The following KCNN3 variants were observed in gnomAD, a reference collection of about 807,000 sequenced individuals.
KCNN3 encodes small conductance calcium-activated potassium channel protein 3.
In KCNN3, 16 loss-of-function variants were observed where a neutral mutation model predicts 62.9. The observed-to-expected ratio is 0.25, with a 90% CI of 0.17 to 0.39. The LOEUF is 0.39. KCNN3 is among the 10% of genes least tolerant of loss of function. KCNN3 has a pLI of 1.00. For missense variants in KCNN3, 599 were observed against 949.4 expected (o/e 0.63, Z 4.85); for synonymous variants, 370 against 389.2 (o/e 0.95, Z 0.58).
At chr1:154,793,994 A>G (rs550305473) in intron 2 of KCNN3, among the ~76,000 whole-genome samples, 2 of 152,340 alleles carry the variant, frequency 1.3e-5, no homozygotes, top group South Asian at 2.1e-4. Context: ...TCCCAGGGCT[A>G]GAGGTTCTGC....
At chr1:154,853,478 G>A (rs1652386939) in intron 1 of KCNN3, among the ~76,000 whole-genome samples, 1 of 152,228 alleles carries the variant, frequency 6.6e-6, no homozygotes, top group South Asian at 2.1e-4. Context: ...TGGGACCACA[G>A]GCACGCACCA....
At chr1:154,863,017 G>A (rs1416758740) in intron 1 of KCNN3, among the ~76,000 whole-genome samples, 3 of 152,268 alleles carry the variant, frequency 2.0e-5, no homozygotes, top group East Asian at 3.9e-4. Flanking sequence ...CGGTGAGCAC[G>A]ACCTGCTCCT....
intron 3 of KCNN3, among the ~76,000 whole-genome samples, chr1:154,765,621 C>CT (rs1209603187): frequency 7.0e-6 from 1 of 142,952 alleles, no homozygotes; most frequent in Non-Finnish European, 1.5e-5. Flanking sequence ...ACTCTTCTTT[C>CT]TTTTTCCTTT....
intron 1 of KCNN3, among the ~76,000 whole-genome samples, chr1:154,864,062 C>A (rs1462917003): frequency 2.0e-5 from 3 of 152,230 alleles, no homozygotes; most frequent in Non-Finnish European, 4.4e-5. Flanking sequence ...CGCTTGCCCT[C>A]CTGTGGGCCG....
rs2101766855 is a variant in KCNN3, at chr1:154,714,951, T to G, written c.1754A>C (p.His585Pro). ...GTCAATCTTCTTTAGCAGCTTTGTG[T>G]GTTTATAGATTAACCATGTTTCCCG... is the stretch of plus-strand genomic sequence containing the variant. ...VLRETWLIYK[H>P]TKLLKKIDHA... Residue 585 changes from histidine (H) to proline (P), a missense_variant, in exon 6 of 8, where the codon CAC becomes CCC. Around this residue, in one of 7 missense-constraint regions of KCNN3, gnomAD observed 288 missense variants for 557.4 expected, o/e 0.52. Coordinates refer to ENST00000271915, the MANE Select transcript of KCNN3 (RefSeq NM_002249.6). 6.2e-7 allele frequency: 1 copy of G among 1,613,786 alleles called. No homozygotes were observed. The highest frequency in any genetic ancestry group is 1.3e-5 in the African/African-American group (1 of 74,982).
intron 6 of KCNN3, among the ~76,000 whole-genome samples, chr1:154,714,382 T>C (rs1230635353): frequency 2.0e-5 from 3 of 148,776 alleles, no homozygotes; most frequent in Non-Finnish European, 4.4e-5. Context: ...GTGAGGTGTG[T>C]GTGGGGTGTG....
chr1:154,824,208 AG>A (rs1168603136), intron 1 of KCNN3, among the ~76,000 whole-genome samples: 1 of 152,008 alleles, frequency 6.6e-6, no homozygotes, highest in Non-Finnish European at 1.5e-5. Context: ...CTATGGGAAA[AG>A]GTCTCCATTA....
At chr1:154,802,018 G>A (rs6698867) in intron 2 of KCNN3, among the ~76,000 whole-genome samples, 1,890 of 152,254 alleles carry the variant, frequency 0.012, 39 homozygotes, top group African/African-American at 0.041. Context: ...TACTGCATGC[G>A]GGGCACTGGC....
chr1:154,736,904 G>C (rs975868181), intron 3 of KCNN3: 2 of 647,708 alleles, frequency 3.1e-6, no homozygotes, highest in Non-Finnish European at 5.7e-6. Flanking sequence ...GATCTTGAGA[G>C]TGTCCTTCGT....
chr1:154,775,196 G>T (rs1648738035), intron 2 of KCNN3, among the ~76,000 whole-genome samples: 1 of 152,190 alleles, frequency 6.6e-6, no homozygotes, highest in Non-Finnish European at 1.5e-5. Context: ...CCACTTTGCT[G>T]CCTTCCTTAC....
chr1:154,768,988 G>A (rs1393816907), intron 3 of KCNN3, among the ~76,000 whole-genome samples: 2 of 152,174 alleles, frequency 1.3e-5, no homozygotes, highest in African/African-American at 2.4e-5. Flanking sequence ...ACACACACAT[G>A]GAAGTTCAGA....
chr1:154,722,336 A>G (rs1179049313), intron 5 of KCNN3, among the ~76,000 whole-genome samples: 1 of 151,090 alleles, frequency 6.6e-6, no homozygotes. Context: ...TTCATGTTGG[A>G]TCTTTCTCTG....
At chr1:154,851,273 G>A (rs761914388) in intron 1 of KCNN3, among the ~76,000 whole-genome samples, 18 of 152,106 alleles carry the variant, frequency 1.2e-4, no homozygotes, top group African/African-American at 3.1e-4. Context: ...CACCGTGCCC[G>A]GCCAAATTTT....
intron 2 of KCNN3, among the ~76,000 whole-genome samples, chr1:154,791,466 T>C (rs552497136): frequency 6.6e-6 from 1 of 152,024 alleles, no homozygotes; most frequent in Admixed American, 6.6e-5. Context: ...CTAACACTTC[T>C]AGAAGCCCTG....
rs763180636 is a variant in KCNN3, at chr1:154,732,992, C to T, written c.1590+11G>A. The T allele has an allele frequency of 9.9e-6, 16 of 1,613,890 alleles. No homozygotes were observed. Among genetic ancestry groups the T allele is most frequent in the East Asian group, 4.5e-5 (2 of 44,900 alleles). On this transcript the variant is annotated intron_variant, in intron 4 of 7. Transcript: ENST00000271915. ...TTTAAGGGTAGGGAATGGGGAGAGG[C>T]GGGTACTCACCATGATGCCAGTGAG... is the stretch of plus-strand genomic sequence containing the variant.
At chr1:154,839,954 T>C (rs1341188455) in intron 1 of KCNN3, among the ~76,000 whole-genome samples, 1 of 152,062 alleles carries the variant, frequency 6.6e-6, no homozygotes, top group Non-Finnish European at 1.5e-5. Flanking sequence ...AGGGGCTAGG[T>C]CACAGAGCTG....
Position 154,758,955 on chromosome 1 carries a change from T to C in KCNN3, c.1448+13020A>G, listed in dbSNP as rs533368268. ...CGTGAGTAGCTGGGATTACAGGCGC[T>C]CACCACCACACTGGGCTAATTTTTG... On this transcript the variant is annotated intron_variant, in intron 3 of 7. Coordinates refer to ENST00000271915, the MANE Select transcript of KCNN3 (RefSeq NM_002249.6). Among the ~76,000 whole-genome samples, 3 of 152,072 alleles carry C rather than the reference T, an allele frequency of 2.0e-5. No individual in the cohort carries two copies. In the East Asian group the frequency reaches 5.8e-4, roughly 29 times the overall value.
chr1:154,864,786 G>T (rs1652890451), intron 1 of KCNN3, among the ~76,000 whole-genome samples: 1 of 152,236 alleles, frequency 6.6e-6, no homozygotes, highest in Non-Finnish European at 1.5e-5. Context: ...AATCAGTGGG[G>T]CAGGCGAGAC....
chr1:154,801,415 G>A (rs1649948833), intron 2 of KCNN3, among the ~76,000 whole-genome samples: 1 of 152,106 alleles, frequency 6.6e-6, no homozygotes, highest in Admixed American at 6.5e-5. Flanking sequence ...AGATCAATGA[G>A]AAAGCCAGAG....
Sources: gnomAD v4.1 joint callset for allele counts (sites outside exome capture counted in the v4.1 genomes callset) on GRCh38, gnomAD v4.1.1 for gene constraint, gnomAD v4.1.1 regional missense constraint, MANE v1.5 for transcripts, NCBI Gene and HGNC (gene_info 2026-07-23, HGNC 2026-07-21) for gene names.